CSGALNACT1: variants seen among roughly 807,000 people sequenced by gnomAD.
The protein encoded by CSGALNACT1 is beta4GalNAcT-1.
A neutral mutation model predicts 51.0 loss-of-function variants in CSGALNACT1; 52 were observed. The observed-to-expected ratio is 1.02, with a 90% CI of 0.82 to 1.29. The LOEUF is 1.29. CSGALNACT1 is among the 50% of genes most tolerant of loss of function. The pLI, the probability that CSGALNACT1 is intolerant of heterozygous loss-of-function variation, is 0.00. For synonymous variants in CSGALNACT1, 341 were observed against 254.4 expected (o/e 1.34, Z -3.24); for missense variants, 935 against 679.2 (o/e 1.38, Z -4.19).
At chr8:19,487,076 C>G (rs895284679) in intron 4 of CSGALNACT1, among the ~76,000 whole-genome samples, 2 of 152,198 alleles carry the variant, frequency 1.3e-5, no homozygotes, top group African/African-American at 4.8e-5. Flanking sequence ...CCAACTCATG[C>G]TTTTATATAA....
chr8:19,436,648 C>T (rs2060424575), intron 6 of CSGALNACT1, among the ~76,000 whole-genome samples: 1 of 152,100 alleles, frequency 6.6e-6, no homozygotes, highest in African/African-American at 2.4e-5. Context: ...GGATCACACC[C>T]ATAATCCCAG....
chr8:19,622,903 C>T (rs753903324), intron 1 of CSGALNACT1, among the ~76,000 whole-genome samples: 1 of 151,976 alleles, frequency 6.6e-6, no homozygotes, highest in Non-Finnish European at 1.5e-5. Flanking sequence ...CCAATAGATA[C>T]CCCAATTACA....
At chr8:19,697,824 A>G (rs1252654040) in intron 1 of CSGALNACT1, among the ~76,000 whole-genome samples, 3 of 152,138 alleles carry the variant, frequency 2.0e-5, no homozygotes, top group Admixed American at 6.5e-5. Flanking sequence ...CATTAGAGAG[A>G]GGTGGTGGGT....
intron 3 of CSGALNACT1, among the ~76,000 whole-genome samples, chr8:19,577,823 G>A (rs996068235): frequency 2.6e-5 from 4 of 152,200 alleles, no homozygotes. Flanking sequence ...TGTAAAGTTA[G>A]AGAGGCGGCT....
At chr8:19,464,079 T>C (rs910482791) in intron 4 of CSGALNACT1, among the ~76,000 whole-genome samples, 1 of 152,224 alleles carries the variant, frequency 6.6e-6, no homozygotes, top group African/African-American at 2.4e-5. Context: ...GTCACACTAC[T>C]GAGCCTATGC....
intron 4 of CSGALNACT1, among the ~76,000 whole-genome samples, chr8:19,485,329 A>G (rs2153939714): frequency 6.6e-6 from 1 of 152,140 alleles, no homozygotes. Context: ...TGCTGCTCCT[A>G]CCTTCAAAAT....
At chr8:19,460,449 T>C (rs936069848) in intron 4 of CSGALNACT1, among the ~76,000 whole-genome samples, 23 of 152,230 alleles carry the variant, frequency 1.5e-4, no homozygotes, top group African/African-American at 5.5e-4. Context: ...GAACTCTCTA[T>C]GCTTCTGGGC....
chr8:19,526,420 TA>T (rs2081718249), intron 3 of CSGALNACT1, among the ~76,000 whole-genome samples: 1 of 152,080 alleles, frequency 6.6e-6, no homozygotes, highest in Non-Finnish European at 1.5e-5. Flanking sequence ...TCATCACTAC[TA>T]AAAATACAAA....
intron 1 of CSGALNACT1, among the ~76,000 whole-genome samples, chr8:19,625,060 C>G (rs1043470334): frequency 6.6e-6 from 1 of 152,298 alleles, no homozygotes; most frequent in East Asian, 1.9e-4. Context: ...GCCTAATCAA[C>G]GACTGAACCA....
chr8:19,752,066 TTA>T (rs1491219518), intron 1 of CSGALNACT1, among the ~76,000 whole-genome samples: 57 of 77,224 alleles, frequency 7.4e-4, no homozygotes, highest in Middle Eastern at 0.02. Flanking sequence ...CAATATATTT[TTA>T]TATGATATGA....
intron 3 of CSGALNACT1, among the ~76,000 whole-genome samples, chr8:19,531,287 G>A (rs1330763884): frequency 2.0e-5 from 3 of 152,132 alleles, no homozygotes; most frequent in African/African-American, 7.2e-5. Flanking sequence ...CAGTCTGCCA[G>A]AATTTTCACT....
chr8:19,430,625 T>C (rs1186071341), intron 6 of CSGALNACT1, among the ~76,000 whole-genome samples: 2 of 152,172 alleles, frequency 1.3e-5, no homozygotes, highest in Non-Finnish European at 1.5e-5. Flanking sequence ...AGTTTTGAAA[T>C]TGAGAGTATG....
rs369363332 is a variant in CSGALNACT1, at chr8:19,413,309, A to C, written c.1228-4615T>G. Among the ~76,000 whole-genome samples the C allele has an allele frequency of 7.2e-5, 11 of 152,276 alleles. No homozygotes were observed. The East Asian group carries it at 1.9e-3, about 27-fold the overall frequency. ...GTATCCCCTGTTGCCCAGCATCCTCAGCCCAGGTGCGGTCACATAGTGTGG... is the reference window on the plus strand; with the variant it reads ...GTATCCCCTGTTGCCCAGCATCCTCCGCCCAGGTGCGGTCACATAGTGTGG... On this transcript the variant is annotated intron_variant, in intron 8 of 9. Coordinates refer to ENST00000454498, the Ensembl canonical transcript of CSGALNACT1.
intron 4 of CSGALNACT1, among the ~76,000 whole-genome samples, chr8:19,464,323 C>A (rs941399969): frequency 1.3e-5 from 2 of 152,126 alleles, no homozygotes; most frequent in Non-Finnish European, 2.9e-5. Context: ...TATGTGTTCA[C>A]AGCACCACTC....
At chr8:19,451,071 G>A (rs2063106844) in intron 5 of CSGALNACT1, among the ~76,000 whole-genome samples, 1 of 152,148 alleles carries the variant, frequency 6.6e-6, no homozygotes, top group Non-Finnish European at 1.5e-5. Context: ...TTAGTGTCAA[G>A]CTTTAGCATC....
intron 5 of CSGALNACT1, among the ~76,000 whole-genome samples, chr8:19,444,210 C>T (rs2061760399): frequency 6.6e-6 from 1 of 152,180 alleles, no homozygotes; most frequent in South Asian, 2.1e-4. Context: ...CATACATCCT[C>T]TTGTAGACTT....
chr8:19,654,184 C>T (rs1010283374), intron 1 of CSGALNACT1, among the ~76,000 whole-genome samples: 1 of 152,212 alleles, frequency 6.6e-6, no homozygotes, highest in African/African-American at 2.4e-5. Context: ...GTAATAGTCA[C>T]TGAACATAAC....
At chr8:19,558,678 C>G (rs914756743) in intron 3 of CSGALNACT1, among the ~76,000 whole-genome samples, 1 of 152,164 alleles carries the variant, frequency 6.6e-6, no homozygotes, top group Admixed American at 6.5e-5. Context: ...TACTCAACTA[C>G]TGACTCAACG....
intron 5 of CSGALNACT1, among the ~76,000 whole-genome samples, chr8:19,450,258 CA>C (rs1283266527): frequency 3.7e-5 from 2 of 54,184 alleles, no homozygotes; most frequent in South Asian, 8.4e-4. Context: ...GGGGGAGGAA[CA>C]GGGGAGGAGA....
Sources: gnomAD v4.1 joint callset for allele counts (sites outside exome capture counted in the v4.1 genomes callset) on GRCh38, gnomAD v4.1.1 for gene constraint, MANE v1.5 for transcripts, NCBI Gene and HGNC (gene_info 2026-07-23, HGNC 2026-07-21) for gene names.